Variants in CCDC33 observed in about 807,000 individuals in gnomAD.
The protein encoded by CCDC33 is coiled-coil domain containing 33, also known as coiled-coil domain-containing protein 33.
CCDC33 carries 94 observed loss-of-function variants against 91.9 expected under a neutral mutation model. The ratio of observed to expected loss-of-function variants is 1.02; its 90% CI spans 0.87 to 1.21. The LOEUF (loss-of-function observed/expected upper bound fraction) is 1.21. Ranked by LOEUF, CCDC33 falls within the 50% of genes most tolerant of loss-of-function variation. CCDC33 has a pLI of 0.00. For missense variants in CCDC33, 940 were observed against 935.5 expected (o/e 1.00, Z -0.06); for synonymous variants, 396 against 374.5 (o/e 1.06, Z -0.66).
chr15:74,317,790 G>T (rs969847609), intron 11 of CCDC33, among the ~76,000 whole-genome samples: 1 of 152,028 alleles, frequency 6.6e-6, no homozygotes, highest in African/African-American at 2.4e-5. Flanking sequence ...TGCCCCAGGA[G>T]GGGGTCTCCG....
At chr15:74,250,443 C>T (rs908732633) in intron 2 of CCDC33, among the ~76,000 whole-genome samples, 7 of 152,196 alleles carry the variant, frequency 4.6e-5, no homozygotes, top group South Asian at 2.1e-4. Context: ...TCCCTCCCAC[C>T]CTAGGCATTC....
intron 1 of CCDC33, among the ~76,000 whole-genome samples, chr15:74,217,798 G>A (rs1032415777): frequency 5.3e-5 from 8 of 152,092 alleles, no homozygotes; most frequent in Non-Finnish European, 7.3e-5. Flanking sequence ...TGCCTGTCAC[G>A]CAAGGTCAGG....
chr15:74,242,342 C>T (rs985583392), intron 1 of CCDC33, among the ~76,000 whole-genome samples: 1 of 152,228 alleles, frequency 6.6e-6, no homozygotes, highest in African/African-American at 2.4e-5. Flanking sequence ...AGCCAAGGAC[C>T]CAGCCTGCCG....
intron 2 of CCDC33, among the ~76,000 whole-genome samples, chr15:74,257,467 A>G (rs2075902487): frequency 6.6e-6 from 1 of 152,148 alleles, no homozygotes; most frequent in African/African-American, 2.4e-5. Flanking sequence ...CCTGCCCAGC[A>G]ATCCCAGGGG....
At chr15:74,255,915 A>T (rs1158468052) in intron 2 of CCDC33, among the ~76,000 whole-genome samples, 1 of 152,224 alleles carries the variant, frequency 6.6e-6, no homozygotes, top group Non-Finnish European at 1.5e-5. Context: ...TGGGCCAGTG[A>T]GTTGGCCTGG....
In CCDC33 at chr15:74,218,714, C is replaced by T; in HGVS notation, c.528C>T (p.Pro176=). The T allele has an allele frequency of 7.8e-7, 1 of 1,289,844 alleles. No individual in the cohort carries two copies. The highest frequency in any genetic ancestry group is 1.0e-6 in the Non-Finnish European group (1 of 988,880). The allele number at this position is 1,289,844 out of a possible 1,614,324, so 79.9% of individuals were successfully genotyped here. A position where few individuals can be genotyped will look rare whatever the true frequency, so the allele number is the denominator to read the frequency against. The change falls in exon 2 of 3, where the codon CCC becomes CCT. Residue 176 remains proline, a synonymous_variant. Coordinates refer to the CCDC33 transcript ENST00000635913. The surrounding 1 kb of genome is among the most constrained non-coding windows in gnomAD (Gnocchi z 4.8). ...CTCTGCTCCGGGCTAGCACGGACCC[C>T]ACAGCCCGACACTGTGGGAGCCTGG...
At chr15:74,216,529 C>G (rs1005860509), upstream of CCDC33, among the ~76,000 whole-genome samples, 1 of 37,394 alleles carries the variant, frequency 2.7e-5, no homozygotes, top group Non-Finnish European at 5.8e-5. Flanking sequence ...GCTGGGCTGG[C>G]CAATACCACT....
At chr15:74,311,401 G>C (rs2059991168) in intron 11 of CCDC33, 1 of 152,330 alleles carries the variant, frequency 6.6e-6, no homozygotes, top group East Asian at 1.9e-4. Context: ...GAAAATGAGA[G>C]CCTAGGATTC....
At chr15:74,230,850 CA>C (rs985906845) in intron 2 of CCDC33, among the ~76,000 whole-genome samples, 4 of 152,218 alleles carry the variant, frequency 2.6e-5, no homozygotes, top group Non-Finnish European at 4.4e-5. Flanking sequence ...TCTGAGGGAT[CA>C]GGGGGTTTGC....
intron 10 of CCDC33, among the ~76,000 whole-genome samples, chr15:74,294,865 G>C (rs1297329681): frequency 1.3e-5 from 2 of 152,194 alleles, no homozygotes; most frequent in Non-Finnish European, 2.9e-5. Flanking sequence ...TGTGAGCTGA[G>C]ACATCAAGTC....
At chr15:74,255,308 A>G (rs1044726743) in intron 2 of CCDC33, among the ~76,000 whole-genome samples, 17 of 152,242 alleles carry the variant, frequency 1.1e-4, no homozygotes, top group African/African-American at 4.1e-4. Flanking sequence ...CACAGTCAGC[A>G]GCGGTGAGCC....
At chr15:74,273,041 C>G (rs547429214) in intron 7 of CCDC33, 150 bp downstream of exon 7, 45 of 1,125,752 alleles carry the variant, frequency 4.0e-5, no homozygotes, top group Non-Finnish European at 5.6e-5. Context: ...CTCGCCTGTG[C>G]GGCAGAGAAA....
At chr15:74,321,995 AG>A (rs1251374782) in intron 11 of CCDC33, among the ~76,000 whole-genome samples, 1 of 152,118 alleles carries the variant, frequency 6.6e-6, no homozygotes, top group African/African-American at 2.4e-5. Context: ...CTTTGAAGAT[AG>A]GGGCCCAGAA....
intron 1 of CCDC33, among the ~76,000 whole-genome samples, chr15:74,243,119 G>C (rs1335762482): frequency 1.3e-5 from 2 of 152,178 alleles, no homozygotes; most frequent in Non-Finnish European, 2.9e-5. Context: ...AACTGGTGTA[G>C]GAAGCCCCCT....
At position 74,295,920 on chromosome 15, in the gene CCDC33, C is replaced by T. The variant is rs760907164; in HGVS notation, c.1262C>T (p.Pro421Leu). 1 of 1,613,588 alleles carries T rather than the reference C, an allele frequency of 6.2e-7. No individual in the cohort carries two copies. The highest frequency in any genetic ancestry group is 8.5e-7 in the Non-Finnish European group (1 of 1,179,768). The change falls in exon 11 of 19, where the codon CCT (proline) becomes CTT (leucine). Residue 421 changes from proline to leucine, a missense_variant. By Grantham distance (98) the Pro-to-Leu change is moderately conservative (BLOSUM62 -3). Coordinates refer to ENST00000398814, the MANE Select transcript of CCDC33 (RefSeq NM_025055.5). Reference sequence around the variant, plus strand: ...ACTCCACGAGAAGCAGAGGAGGAACCTCTGGTGCCTGAGATGTCCCATGAC... The same window carrying T: ...ACTCCACGAGAAGCAGAGGAGGAACTTCTGGTGCCTGAGATGTCCCATGAC... ...TSTPREAEEE[P>L]LVPEMSHDTE...
intron 11 of CCDC33, among the ~76,000 whole-genome samples, chr15:74,319,281 G>A (rs895572558): frequency 3.3e-5 from 5 of 152,240 alleles, no homozygotes; most frequent in East Asian, 1.9e-4. Context: ...GCCTCGCTTC[G>A]GGTCGTTCGA....
intron 2 of CCDC33, chr15:74,221,194 G>A: frequency 1.1e-6 from 1 of 922,646 alleles, no homozygotes; most frequent in Non-Finnish European, 1.3e-6. Flanking sequence ...TTGTTCTCCA[G>A]TTTGTGTAGT....
chr15:74,277,291 C>A (rs1157272507), intron 7 of CCDC33, among the ~76,000 whole-genome samples: 1 of 152,198 alleles, frequency 6.6e-6, no homozygotes, highest in Non-Finnish European at 1.5e-5. Flanking sequence ...TCCTAGATCC[C>A]TAGAGACCCC....
intron 10 of CCDC33, among the ~76,000 whole-genome samples, chr15:74,288,387 A>T (rs148318142): frequency 0.011 from 1,749 of 152,306 alleles, 42 homozygotes; most frequent in African/African-American, 0.04. Context: ...CCTCTTGACA[A>T]CATTCCTGTT....
Sources: gnomAD v4.1 joint callset for allele counts (sites outside exome capture counted in the v4.1 genomes callset) on GRCh38, gnomAD v4.1.1 for gene constraint, Gnocchi (gnomAD v3.1) non-coding constraint, MANE v1.5 for transcripts, NCBI Gene and HGNC (gene_info 2026-07-23, HGNC 2026-07-21) for gene names.